Variants in P4HA3 observed in about 807,000 individuals in gnomAD.
P4HA3 encodes the protein prolyl 4-hydroxylase subunit alpha 3, also known as prolyl 4-hydroxylase subunit alpha-3.
In P4HA3, 60 loss-of-function variants were observed where a neutral mutation model predicts 66.7. The observed-to-expected ratio is 0.90, with a 90% CI of 0.73 to 1.12. The LOEUF is 1.12. P4HA3 is among the 50% of genes most tolerant of loss of function. The pLI is 0.00. For synonymous variants in P4HA3, 263 were observed against 274.6 expected (o/e 0.96, Z 0.42); for missense variants, 683 against 685.8 (o/e 1.00, Z 0.05).
intron 4 of P4HA3, among the ~76,000 whole-genome samples, chr11:74,291,960 A>C (rs958991509): frequency 4.4e-4 from 67 of 152,314 alleles, no homozygotes; most frequent in East Asian, 1.9e-3. Context: ...CTGGCCTCAT[A>C]AAATGAGTTA....
At chr11:74,283,174 G>C (rs1245038877) in intron 7 of P4HA3, among the ~76,000 whole-genome samples, 2 of 152,174 alleles carry the variant, frequency 1.3e-5, no homozygotes, top group Non-Finnish European at 1.5e-5. Context: ...GCCCCAGAGA[G>C]ACACTTCTAG....
intron 15 of P4HA3, chr11:74,251,575 C>T (rs1215172319): frequency 3.2e-6 from 5 of 1,578,656 alleles, no homozygotes; most frequent in East Asian, 4.5e-5. Flanking sequence ...AACCATCTAA[C>T]AGTAGCTCAC....
At chr11:74,298,907 C>T (rs1421496109) in intron 3 of P4HA3, among the ~76,000 whole-genome samples, 1 of 152,206 alleles carries the variant, frequency 6.6e-6, no homozygotes, top group Non-Finnish European at 1.5e-5. Flanking sequence ...GCAGCATGGG[C>T]TAAGCAAATT....
chr11:74,281,966 T>C (rs1860619850), intron 7 of P4HA3, among the ~76,000 whole-genome samples: 1 of 151,268 alleles, frequency 6.6e-6, no homozygotes, highest in Non-Finnish European at 1.5e-5. Flanking sequence ...GCTTGCGAGT[T>C]CCTCTCACAT....
intron 10 of P4HA3, among the ~76,000 whole-genome samples, chr11:74,272,596 G>C (rs984123177): frequency 6.6e-5 from 10 of 152,140 alleles, no homozygotes; most frequent in Non-Finnish European, 1.2e-4. Context: ...AAACACACTG[G>C]AATTGCTGGC....
At chr11:74,300,165 C>G (rs1369178051) in intron 3 of P4HA3, among the ~76,000 whole-genome samples, 1 of 152,094 alleles carries the variant, frequency 6.6e-6, no homozygotes, top group Non-Finnish European at 1.5e-5. Flanking sequence ...GAAGAACACC[C>G]AAAACTCTCT....
In P4HA3 at chr11:74,289,211, A is replaced by AG. The variant is rs1036745774; in HGVS notation, c.718-82_718-81insC. 1.3e-4 allele frequency: 158 copies of AG among 1,211,138 alleles called. 2 individuals are homozygous for AG. The African/African-American group carries it at 2.0e-3, about 15-fold the overall frequency. The allele number at this position is 1,211,138 out of a possible 1,614,324, so 75.0% of individuals were successfully genotyped here. ...CTGAACAAACCATTAAATTAAAAAA[A>AG]AAAAAAGATAAAATATTCTTACCAT... On this transcript the variant is annotated intron_variant, in intron 4 of 12. Transcript: ENST00000331597.
intron 3 of P4HA3, among the ~76,000 whole-genome samples, chr11:74,300,163 C>T (rs773116868): frequency 2.0e-5 from 3 of 152,120 alleles, no homozygotes; most frequent in African/African-American, 4.8e-5. Context: ...AAGAAGAACA[C>T]CCAAAACTCT....
chr11:74,275,215 T>C (rs1471254231), intron 9 of P4HA3, among the ~76,000 whole-genome samples: 1 of 152,232 alleles, frequency 6.6e-6, no homozygotes, highest in Non-Finnish European at 1.5e-5. Flanking sequence ...TCTTCTTTTA[T>C]GGATCATACT....
intron 7 of P4HA3, among the ~76,000 whole-genome samples, chr11:74,284,531 T>C (rs1860717394): frequency 6.6e-6 from 1 of 152,230 alleles, no homozygotes; most frequent in Non-Finnish European, 1.5e-5. Flanking sequence ...GATTGTAATT[T>C]AATTTAATCA....
chr11:74,279,377 G>C lies in P4HA3; in HGVS notation c.1175+11C>G, dbSNP rs778107794. ...GGGCAGCAGGTATGACCAAGGAAGG[G>C]CCCTTCTTACCTTTTGCTGATGCGG... On this transcript the variant is annotated intron_variant, in intron 8 of 12. Coordinates refer to ENST00000331597, the MANE Select transcript of P4HA3 (RefSeq NM_182904.5). 1.9e-6 allele frequency: 3 copies of C among 1,613,204 alleles called. No individual in the cohort carries two copies. The highest frequency in any genetic ancestry group is 2.5e-6 in the Non-Finnish European group (3 of 1,179,264).
At chr11:74,290,869 C>A (rs534835999) in intron 4 of P4HA3, among the ~76,000 whole-genome samples, 1 of 152,264 alleles carries the variant, frequency 6.6e-6, no homozygotes, top group African/African-American at 2.4e-5. Context: ...AGTTTGAAGT[C>A]AGGTAGTGTG....
intron 1 of P4HA3, among the ~76,000 whole-genome samples, chr11:74,305,692 G>A (rs1243619135): frequency 6.6e-6 from 1 of 152,054 alleles, no homozygotes; most frequent in Non-Finnish European, 1.5e-5. Context: ...TAGATTCTAG[G>A]GATACAAAGG....
At chr11:74,291,365 T>G (rs1269874222) in intron 4 of P4HA3, among the ~76,000 whole-genome samples, 1 of 151,910 alleles carries the variant, frequency 6.6e-6, no homozygotes, top group Non-Finnish European at 1.5e-5. Context: ...TGGGGTTTTC[T>G]AGATATACAA....
At chr11:74,304,898 G>A (rs979323435) in intron 1 of P4HA3, among the ~76,000 whole-genome samples, 1 of 152,112 alleles carries the variant, frequency 6.6e-6, no homozygotes, top group African/African-American at 2.4e-5. Context: ...TTGGGGGATG[G>A]TTTCGGGATG....
chr11:74,254,279 C>T (rs1272002994), intron 15 of P4HA3: 1 of 152,906 alleles, frequency 6.5e-6, no homozygotes, highest in African/African-American at 2.4e-5. Context: ...AAGCCACAGG[C>T]CAAAGCCTAT....
At chr11:74,286,923 A>G (rs1405175691) in intron 5 of P4HA3, among the ~76,000 whole-genome samples, 1 of 152,250 alleles carries the variant, frequency 6.6e-6, no homozygotes, top group African/African-American at 2.4e-5. Flanking sequence ...TTGCAAAAGG[A>G]CCCAACCTAT....
chr11:74,273,515 A>C (rs757714087), intron 10 of P4HA3, 30 bp downstream of exon 10: 2 of 1,465,492 alleles, frequency 1.4e-6, no homozygotes, highest in Admixed American at 5.0e-5. Context: ...ATAGTCAGTC[A>C]TGAAGTAAGA....
chr11:74,284,195 G>A (rs1294706881), intron 7 of P4HA3, among the ~76,000 whole-genome samples: 1 of 152,196 alleles, frequency 6.6e-6, no homozygotes, highest in East Asian at 1.9e-4. Flanking sequence ...TTAATATTTA[G>A]CACACTTCCT....
Sources: gnomAD v4.1 joint callset for allele counts (sites outside exome capture counted in the v4.1 genomes callset) on GRCh38, gnomAD v4.1.1 for gene constraint, MANE v1.5 for transcripts, NCBI Gene and HGNC (gene_info 2026-07-23, HGNC 2026-07-21) for gene names.